CACNA1C: variants seen among roughly 807,000 people sequenced by gnomAD.
The protein encoded by CACNA1C is voltage-dependent L-type calcium channel subunit alpha-1C.
A neutral mutation model predicts 229.0 loss-of-function variants in CACNA1C; 30 were observed. The observed-to-expected ratio is 0.13, with a 90% CI of 0.10 to 0.18. The LOEUF is 0.18. CACNA1C is among the 10% of genes least tolerant of loss of function. The pLI is 1.00. For missense variants in CACNA1C, 1,658 were observed against 2,845.0 expected, an observed-to-expected ratio of 0.58 and a Z score of 9.49; for synonymous variants, 1,114 against 1,132.5, an observed-to-expected ratio of 0.98 and a Z score of 0.33.
chr12:2,333,553 A>G (rs1433218803), intron 3 of CACNA1C, among the ~76,000 whole-genome samples: 1 of 152,242 alleles, frequency 6.6e-6, no homozygotes, highest in Non-Finnish European at 1.5e-5. Flanking sequence ...CATAGGAAGC[A>G]TGACCGCGCC....
chr12:2,342,814 T>G (rs1406494490), intron 3 of CACNA1C, among the ~76,000 whole-genome samples: 2 of 152,228 alleles, frequency 1.3e-5, no homozygotes, highest in Admixed American at 1.3e-4. Context: ...GTTGTCTTTG[T>G]GAGCCCTTGT....
At chr12:2,049,156 C>G (rs966289791), upstream of CACNA1C, 3 of 152,230 alleles carry the variant, frequency 2.0e-5, no homozygotes, top group African/African-American at 7.2e-5. Flanking sequence ...TGAATGCACT[C>G]TAGTTCATCT....
chr12:2,274,019 G>A (rs762811773), intron 3 of CACNA1C, among the ~76,000 whole-genome samples: 33 of 152,214 alleles, frequency 2.2e-4, no homozygotes, highest in Non-Finnish European at 4.3e-4. Context: ...TGTCCAGCAC[G>A]CGGCAGGAGC....
rs569914015 is a variant in CACNA1C at position 2,614,098 on chromosome 12, C to G, written c.3828+2085C>G. ...TGACACCTGCAGGAGCCTCCGTCCT[C>G]CGTCTAAAAGACACTCCACCTAAAT... is the stretch of plus-strand genomic sequence containing the variant. On this transcript the variant is annotated intron_variant, in intron 29 of 46. Coordinates refer to ENST00000399655, the MANE Select transcript of CACNA1C (RefSeq NM_000719.7). The G allele has an allele frequency of 3.3e-5, 5 of 152,170 alleles. No homozygotes were observed. In the East Asian group the frequency reaches 5.8e-4, roughly 18 times the overall value. The allele number at this position is 152,170 out of a possible 1,614,324, so 9.4% of individuals were successfully genotyped here. A position where few individuals can be genotyped will look rare whatever the true frequency, so the allele number is the denominator to read the frequency against.
At chr12:2,563,664 CATAG>C (rs2048689640) in intron 11 of CACNA1C, among the ~76,000 whole-genome samples, 2 of 152,210 alleles carry the variant, frequency 1.3e-5, no homozygotes, top group South Asian at 2.1e-4. Context: ...TTCTGCAGAT[CATAG>C]ATAGAAAAAT....
intron 3 of CACNA1C, among the ~76,000 whole-genome samples, chr12:2,261,218 C>T (rs533684161): frequency 4.0e-5 from 6 of 150,350 alleles, no homozygotes; most frequent in East Asian, 2.0e-4. Context: ...GGTGACAGAG[C>T]GAGACTCCGT....
At position 2,566,675 on chromosome 12, in the gene CACNA1C, G is replaced by C; in HGVS notation, c.1669+93G>C. On this transcript the variant is annotated intron_variant, in intron 12 of 46. Transcript: ENST00000399655. This position sits in a 1 kb window ranked among gnomAD's most constrained non-coding sequence, Gnocchi z 4.0. ...CATAACCACAGGCAGAAGGTGGAGGGGAAAGCAGCCAATGGTCGGGGCTCT... is the reference window on the plus strand; with the variant it reads ...CATAACCACAGGCAGAAGGTGGAGGCGAAAGCAGCCAATGGTCGGGGCTCT... The C allele has an allele frequency of 9.0e-7, 1 of 1,116,552 alleles. No individual in the cohort carries two copies. The highest frequency in any genetic ancestry group is 1.3e-6 in the Non-Finnish European group (1 of 787,472). 69.2% of individuals were successfully genotyped at this position (1,116,552 alleles called of 1,614,324 possible).
At chr12:2,613,353 T>C (rs981560474) in intron 29 of CACNA1C, 13 of 152,222 alleles carry the variant, frequency 8.5e-5, no homozygotes, top group African/African-American at 2.7e-4. Context: ...GAACGGAGAC[T>C]GGAATCCGGC....
At chr12:2,068,740 A>G (rs572843259) in intron 1 of CACNA1C, among the ~76,000 whole-genome samples, 63 of 152,294 alleles carry the variant, frequency 4.1e-4, no homozygotes, top group Non-Finnish European at 2.2e-4. Flanking sequence ...TGTGGCCACC[A>G]TCTCACCCCG....
intron 38 of CACNA1C, 142 bp downstream of exon 38, chr12:2,669,177 T>G: frequency 1.5e-6 from 1 of 674,150 alleles, no homozygotes; most frequent in East Asian, 2.7e-5. Flanking sequence ...TAACGTGCGC[T>G]CCAGGACATC....
intron 1 of CACNA1C, among the ~76,000 whole-genome samples, chr12:2,078,256 A>T (rs139811979): frequency 6.4e-4 from 97 of 152,342 alleles, no homozygotes; most frequent in African/African-American, 2.1e-3. Flanking sequence ...CTAGAAATCC[A>T]TCTGCTGGCA....
chr12:2,682,586 T>C lies in CACNA1C; in HGVS notation c.5481T>C (p.Gly1827=). The change falls in exon 43 of 47, where the codon GGT becomes GGC. Residue 1827 remains glycine, a synonymous_variant. Transcript: ENST00000399655. Reference sequence around the variant, plus strand: ...GGGAGAGCCAGGCAGCCATGGCGGGTCAGGAGGAGACGTCTCAGGATGAGA... The same window carrying C: ...GGGAGAGCCAGGCAGCCATGGCGGGCCAGGAGGAGACGTCTCAGGATGAGA... ...HSRESQAAMA[G]QEETSQDETY... 6.2e-7 allele frequency: 1 copy of C among 1,611,650 alleles called. No homozygotes were observed. The highest frequency in any genetic ancestry group is 8.5e-7 in the Non-Finnish European group (1 of 1,179,120).
chr12:2,108,988 T>C lies in CACNA1C; in HGVS notation c.50-6236T>C, dbSNP rs905114208. Among the ~76,000 whole-genome samples the C allele has an allele frequency of 2.6e-5, 4 of 152,210 alleles. No individual in the cohort carries two copies. Among genetic ancestry groups the C allele is most frequent in the African/African-American group, 9.6e-5 (4 of 41,464 alleles). On this transcript the variant is annotated intron_variant, in intron 1 of 46. Transcript: ENST00000399655. This position sits in a 1 kb window ranked among gnomAD's most constrained non-coding sequence, Gnocchi z 5.3. ...GTTGGCCTGAGAGAAGGCATTTCCT[T>C]TGCCCTGCAGAGATTGCTCAGTGGT...
chr12:2,391,956 C>T (rs1166430893), intron 3 of CACNA1C, among the ~76,000 whole-genome samples: 3 of 152,200 alleles, frequency 2.0e-5, no homozygotes, highest in East Asian at 1.9e-4. Context: ...CGGCACAGAG[C>T]GTTCCCGTGT....
At chr12:2,462,842 T>C (rs2099520163) in intron 5 of CACNA1C, among the ~76,000 whole-genome samples, 1 of 151,920 alleles carries the variant, frequency 6.6e-6, no homozygotes, top group Non-Finnish European at 1.5e-5. Flanking sequence ...TTACAACAAA[T>C]AGGTTCATTG....
At chr12:2,004,771 G>C (rs758831716) in intron 1 of CACNA1C, 6 of 280,540 alleles carry the variant, frequency 2.1e-5, no homozygotes, top group Non-Finnish European at 3.4e-5. Context: ...TCGACCCCTT[G>C]GCATATCTTT....
intron 1 of CACNA1C, among the ~76,000 whole-genome samples, chr12:2,023,046 TAA>T (rs1401054865): frequency 6.6e-6 from 1 of 152,154 alleles, no homozygotes; most frequent in Non-Finnish European, 1.5e-5. Flanking sequence ...AAATTCTTAA[TAA>T]GTTTTGAACA....
intron 26 of CACNA1C, chr12:2,607,348 C>T (rs570626829): frequency 3.9e-6 from 2 of 517,068 alleles, no homozygotes; most frequent in South Asian, 3.5e-5. Context: ...GAAACTCCCA[C>T]CAAAAGTGAC....
chr12:2,390,323 A>C (rs940175253), intron 3 of CACNA1C, among the ~76,000 whole-genome samples: 1 of 152,230 alleles, frequency 6.6e-6, no homozygotes, highest in South Asian at 2.1e-4. Context: ...TAGCCAGGAC[A>C]TGCAGTCATC....
Sources: allele counts gnomAD v4.1 joint callset (sites outside exome capture counted in the v4.1 genomes callset), GRCh38; gene constraint gnomAD v4.1.1; non-coding constraint Gnocchi (gnomAD v3.1); transcripts MANE v1.5; gene names NCBI Gene and HGNC (gene_info 2026-07-23, HGNC 2026-07-21).